The following TRIM21 variants were observed in gnomAD, a reference collection of about 807,000 sequenced individuals.
TRIM21 encodes tripartite motif containing 21, also known as E3 ubiquitin-protein ligase TRIM21.
In TRIM21, 35 loss-of-function variants were observed where a neutral mutation model predicts 36.1. That is an observed-to-expected ratio of 0.97 (90% CI 0.74 to 1.28). The LOEUF is 1.28. Ranked by LOEUF, TRIM21 falls within the 50% of genes most tolerant of loss-of-function variation. The pLI, the probability that TRIM21 is intolerant of heterozygous loss-of-function variation, is 0.00. For missense variants in TRIM21, 635 were observed against 570.7 expected, an observed-to-expected ratio of 1.11 and a Z score of -1.15; for synonymous variants, 256 against 211.5, an observed-to-expected ratio of 1.21 and a Z score of -1.83.
At position 4,385,187 on chromosome 11, in the gene TRIM21, A is replaced by G. The variant is rs2094954617; in HGVS notation, c.*98T>C. ...CTTGCTGGGATCCGGATGCCTCTGC[A>G]GAGACAAAGGTGGTTCAGAGTTCAT... On this transcript the variant is annotated 3_prime_UTR_variant, in exon 7 of 7. Coordinates refer to ENST00000254436, the MANE Select transcript of TRIM21 (RefSeq NM_003141.4). The G allele has an allele frequency of 1.6e-6, 2 of 1,223,732 alleles. No individual in the cohort carries two copies. Among genetic ancestry groups the G allele is most frequent in the African/African-American group, 1.5e-5 (1 of 65,614 alleles). 75.8% of individuals were successfully genotyped at this position (1,223,732 alleles called of 1,614,324 possible). A position where few individuals can be genotyped will look rare whatever the true frequency, so the allele number is the denominator to read the frequency against.
At chr11:4,388,625 C>G in intron 3 of TRIM21, 95 bp from the exon 4 acceptor site, 1 of 1,202,156 alleles carries the variant, frequency 8.3e-7, no homozygotes, top group Non-Finnish European at 1.2e-6. Flanking sequence ...CCCCAAGAGA[C>G]TCCACTCTGT....
Position 4,385,003 on chromosome 11 carries a change from A to G in TRIM21, c.*282T>C. 1 of 350,254 alleles carries G rather than the reference A, an allele frequency of 2.9e-6. No homozygotes were observed. The highest frequency in any genetic ancestry group is 5.1e-6 in the Non-Finnish European group (1 of 194,458). 21.7% of individuals were successfully genotyped at this position (350,254 alleles called of 1,614,324 possible). A position where few individuals can be genotyped will look rare whatever the true frequency, so the allele number is the denominator to read the frequency against. On this transcript the variant is annotated 3_prime_UTR_variant, in exon 7 of 7. Transcript: ENST00000254436. ...ACGACATCCTAGAGATGGAGAGGAGAAAAAAAAAACTTAAGTCCCATAAAG... is the reference window on the plus strand; with the variant it reads ...ACGACATCCTAGAGATGGAGAGGAGGAAAAAAAAACTTAAGTCCCATAAAG...
chr11:4,389,612 C>A, intron 3 of TRIM21, 42 bp downstream of exon 3: 1 of 1,563,964 alleles, frequency 6.4e-7, no homozygotes, highest in Non-Finnish European at 8.8e-7. Context: ...GGACCCTGCC[C>A]AGCCTTCCAG....
intron 3 of TRIM21, 43 bp from the exon 4 acceptor site, chr11:4,388,573 C>T (rs542386261): frequency 6.3e-7 from 1 of 1,585,862 alleles, no homozygotes; most frequent in Non-Finnish European, 8.6e-7. Flanking sequence ...TTATGAAAAT[C>T]TCCCAAGCTT....
intron 1 of TRIM21, among the ~76,000 whole-genome samples, chr11:4,391,982 G>A (rs1420829065): frequency 6.6e-6 from 1 of 151,992 alleles, no homozygotes; most frequent in Non-Finnish European, 1.5e-5. Context: ...TGGTTAATGG[G>A]TACAAAAGTG....
At chr11:4,392,099 A>T (rs1228765305) in intron 1 of TRIM21, among the ~76,000 whole-genome samples, 4 of 152,130 alleles carry the variant, frequency 2.6e-5, no homozygotes, top group Non-Finnish European at 4.4e-5. Flanking sequence ...ATTACAGATG[A>T]TCAATGCTTG....
intron 1 of TRIM21, among the ~76,000 whole-genome samples, chr11:4,391,617 C>A (rs538683397): frequency 6.6e-6 from 1 of 152,302 alleles, no homozygotes; most frequent in African/African-American, 2.4e-5. Context: ...AAAGAGATAT[C>A]CACACTTCCA....
intron 4 of TRIM21, 126 bp from the exon 5 acceptor site, chr11:4,387,116 G>A: frequency 1.1e-6 from 1 of 942,436 alleles, no homozygotes; most frequent in South Asian, 1.6e-5. Context: ...TCTGGTCCTA[G>A]GCCCCAGAGA....
chr11:4,387,796 A>C (rs1455792989), intron 4 of TRIM21, among the ~76,000 whole-genome samples: 1 of 151,966 alleles, frequency 6.6e-6, no homozygotes, highest in Non-Finnish European at 1.5e-5. Context: ...ACACCATTGC[A>C]CTCCAGCCTG....
chr11:4,386,901 T>A (rs2094956823), intron 5 of TRIM21, 67 bp downstream of exon 5: 1 of 1,502,972 alleles, frequency 6.7e-7, no homozygotes, highest in African/African-American at 1.4e-5. Flanking sequence ...TCTAATTCAA[T>A]CACCTTTGTC....
At chr11:4,392,965 C>T (rs150168843) in intron 1 of TRIM21, among the ~76,000 whole-genome samples, 1 of 152,290 alleles carries the variant, frequency 6.6e-6, no homozygotes, top group African/African-American at 2.4e-5. Flanking sequence ...TTAATCCCTC[C>T]TATAACGGCG....
intron 1 of TRIM21, among the ~76,000 whole-genome samples, chr11:4,392,567 A>AAAAACAAAACAAAACAAAAC (rs71466158): frequency 0.022 from 3,281 of 151,750 alleles, 108 homozygotes; most frequent in African/African-American, 0.071. Context: ...ACTCCCTCTC[A>AAAAACAAAACAAAACAAAAC]AAAACAAAAC....
At chr11:4,386,889 C>A in intron 5 of TRIM21, 79 bp downstream of exon 5, 2 of 1,455,206 alleles carry the variant, frequency 1.4e-6, no homozygotes, top group Non-Finnish European at 1.9e-6. Context: ...AGTGCATGTA[C>A]TTCTAATTCA....
At chr11:4,387,763 G>A (rs1321721697) in intron 4 of TRIM21, among the ~76,000 whole-genome samples, 3 of 152,006 alleles carry the variant, frequency 2.0e-5, no homozygotes, top group African/African-American at 2.4e-5. Flanking sequence ...CCCGGGAGGC[G>A]GAGGTTGCAG....
chr11:4,389,790 A>G (rs748908934), intron 2 of TRIM21, 41 bp from the exon 3 acceptor site: 3 of 1,580,984 alleles, frequency 1.9e-6, no homozygotes, highest in Non-Finnish European at 1.7e-6. Flanking sequence ...ATGCAAACCA[A>G]GTAATAGGGT....
At chr11:4,386,096 C>T (rs1418163544) in intron 6 of TRIM21, 61 bp downstream of exon 6, 3 of 1,536,920 alleles carry the variant, frequency 2.0e-6, no homozygotes, top group African/African-American at 1.4e-5. Flanking sequence ...CATCCAGGCT[C>T]CCTGACCCTG....
chr11:4,391,652 T>C (rs2554937), intron 1 of TRIM21, among the ~76,000 whole-genome samples: 91,727 of 152,120 alleles, frequency 0.6, 28,173 homozygotes, highest in East Asian at 0.86. Context: ...CGTTTCACAA[T>C]AGCCAAGATT....
In TRIM21 at chr11:4,390,139, G is replaced by A. The variant is rs370385142; in HGVS notation, c.271C>T (p.Arg91Trp). ...QEAREGTQGE[R>W]CAVHGERLHL... is the part of the protein sequence containing the mutation. ...AGTCTCTCTCCATGCACTGCACACC[G>A]TTCCCCCTGTGTGCCCTCTCTGGCC... is the stretch of plus-strand genomic sequence containing the variant. The change falls in exon 2 of 7, where the codon CGG (arginine) becomes TGG (tryptophan). Residue 91 changes from arginine to tryptophan, a missense_variant. Arg to Trp is a moderately radical substitution (Grantham distance 101). Coordinates refer to ENST00000254436, the MANE Select transcript of TRIM21 (RefSeq NM_003141.4). The A allele has an allele frequency of 2.4e-5, 38 of 1,614,006 alleles. No homozygotes were observed. The highest frequency in any genetic ancestry group is 5.3e-5 in the African/African-American group (4 of 75,050).
rs1228581277 is a variant in TRIM21 at position 4,390,421 on chromosome 11, C to T, written c.-12G>A. ...GCTGCTGAAGCCATTGTCAAGTGTG[C>T]CGTTAAACAGCAGTGTGGAGACCTT... On this transcript the variant is annotated 5_prime_UTR_variant, in exon 2 of 7. Transcript: ENST00000254436. 3 of 1,595,970 alleles carry T rather than the reference C, an allele frequency of 1.9e-6. No homozygotes were observed. Among genetic ancestry groups the T allele is most frequent in the Non-Finnish European group, 2.6e-6 (3 of 1,167,206 alleles).
Sources: gnomAD v4.1 joint callset for allele counts (sites outside exome capture counted in the v4.1 genomes callset) on GRCh38, gnomAD v4.1.1 for gene constraint, MANE v1.5 for transcripts, NCBI Gene and HGNC (gene_info 2026-07-23, HGNC 2026-07-21) for gene names.